ARAP2: variants seen among roughly 807,000 people sequenced by gnomAD.
The protein encoded by ARAP2 is arf-GAP with Rho-GAP domain, ANK repeat and PH domain-containing protein 2.
ARAP2 carries 148 observed loss-of-function variants against 194.5 expected under a neutral mutation model. The observed-to-expected ratio is 0.76, with a 90% CI of 0.67 to 0.87. The LOEUF (loss-of-function observed/expected upper bound fraction) is 0.87, where lower values mean the gene tolerates loss of function less well. Among genes scored for constraint, ARAP2 ranks in the 40% least tolerant of loss-of-function variants. The pLI, the probability that ARAP2 is intolerant of heterozygous loss-of-function variation, is 0.00. For synonymous variants in ARAP2, 695 were observed against 683.5 expected, an observed-to-expected ratio of 1.02 and a Z score of -0.26; for missense variants, 2,128 against 1,989.7, an observed-to-expected ratio of 1.07 and a Z score of -1.32.
chr4:36,178,736 G>T (rs1339299981), intron 8 of ARAP2, among the ~76,000 whole-genome samples: 1 of 152,084 alleles, frequency 6.6e-6, no homozygotes, highest in African/African-American at 2.4e-5. Flanking sequence ...TCATATAAAT[G>T]GTATGAAATA....
At chr4:36,022,397 A>G (rs942661213) in intron 5 of ARAP2, among the ~76,000 whole-genome samples, 7 of 152,210 alleles carry the variant, frequency 4.6e-5, no homozygotes, top group African/African-American at 1.7e-4. Flanking sequence ...CTTACCCAAC[A>G]TAACGGCAGG....
chr4:36,033,549 C>A (rs1004353439), intron 5 of ARAP2, among the ~76,000 whole-genome samples: 3 of 147,882 alleles, frequency 2.0e-5, no homozygotes, highest in African/African-American at 7.4e-5. Context: ...GTATATTAGA[C>A]CTTTATCAGA....
At chr4:36,190,639 A>G (rs571408159) in intron 7 of ARAP2, among the ~76,000 whole-genome samples, 1 of 152,210 alleles carries the variant, frequency 6.6e-6, no homozygotes, top group East Asian at 1.9e-4. Context: ...TTTCTTCTGA[A>G]TTTTCCTGCA....
At chr4:36,196,711 A>C (rs1012375520) in intron 6 of ARAP2, among the ~76,000 whole-genome samples, 1 of 151,872 alleles carries the variant, frequency 6.6e-6, no homozygotes, top group African/African-American at 2.4e-5. Context: ...GCTATTCTGC[A>C]CTCCTACCAT....
chr4:36,048,803 AATTAC>A (rs1396313058), intron 3 of ARAP2, among the ~76,000 whole-genome samples: 3 of 152,112 alleles, frequency 2.0e-5, no homozygotes, highest in Non-Finnish European at 4.4e-5. Flanking sequence ...AGGTTCAATT[AATTAC>A]ATTAATTGAA....
intron 32 of ARAP2, among the ~76,000 whole-genome samples, chr4:36,070,857 T>C (rs1236665669): frequency 6.6e-6 from 1 of 152,184 alleles, no homozygotes; most frequent in Non-Finnish European, 1.5e-5. Context: ...TTAAAGTAAA[T>C]TGTCTTTATC....
At chr4:36,206,983 C>G (rs755332745) in intron 6 of ARAP2, among the ~76,000 whole-genome samples, 1 of 152,186 alleles carries the variant, frequency 6.6e-6, no homozygotes, top group South Asian at 2.1e-4. Flanking sequence ...TTATGCTGAA[C>G]GCACAAACAT....
chr4:36,122,453 C>T (rs764744211), intron 22 of ARAP2, among the ~76,000 whole-genome samples: 29 of 151,854 alleles, frequency 1.9e-4, no homozygotes, highest in Admixed American at 4.6e-4. Context: ...AATGAGATCA[C>T]GTCCTTTGCA....
chr4:36,132,625 C>CTAACA (rs1451400780), intron 20 of ARAP2, among the ~76,000 whole-genome samples: 1 of 151,692 alleles, frequency 6.6e-6, no homozygotes, highest in Admixed American at 6.6e-5. Flanking sequence ...ATCTAAAATA[C>CTAACA]TAACATAGCA....
chr4:36,210,244 G>T, intron 6 of ARAP2, 146 bp downstream of exon 6: 1 of 664,510 alleles, frequency 1.5e-6, no homozygotes, highest in Non-Finnish European at 2.5e-6. Context: ...TGGCAAAAGT[G>T]TGCTGAAAGT....
intron 2 of ARAP2, among the ~76,000 whole-genome samples, chr4:36,226,706 A>C (rs1054583234): frequency 6.6e-6 from 1 of 152,170 alleles, no homozygotes; most frequent in Non-Finnish European, 1.5e-5. Flanking sequence ...TATCCATTTA[A>C]TTCTCAGGCC....
chr4:36,215,954 AT>A (rs1352546490), intron 2 of ARAP2, among the ~76,000 whole-genome samples: 1 of 152,048 alleles, frequency 6.6e-6, no homozygotes, highest in Non-Finnish European at 1.5e-5. Flanking sequence ...AATAAATGCT[AT>A]TTTTTTAAGC....
intron 3 of ARAP2, among the ~76,000 whole-genome samples, chr4:36,051,496 A>G (rs1173395616): frequency 6.6e-6 from 1 of 151,834 alleles, no homozygotes; most frequent in Non-Finnish European, 1.5e-5. Flanking sequence ...TAAATTAATA[A>G]ATAATAACAA....
intron 9 of ARAP2, among the ~76,000 whole-genome samples, chr4:36,174,307 A>G (rs1420674330): frequency 1.3e-5 from 2 of 152,240 alleles, no homozygotes; most frequent in East Asian, 3.8e-4. Flanking sequence ...AAGGAATGGG[A>G]GAAAATGTGC....
chr4:36,187,669 T>TA, intron 7 of ARAP2, 98 bp from the exon 8 acceptor site: 1 of 1,081,306 alleles, frequency 9.2e-7, no homozygotes, highest in Non-Finnish European at 1.3e-6. Flanking sequence ...CTTCTCTTTA[T>TA]AATTTCAATC....
At chr4:36,115,692 T>C (rs1721150784) in intron 25 of ARAP2, among the ~76,000 whole-genome samples, 1 of 152,014 alleles carries the variant, frequency 6.6e-6, no homozygotes, top group African/African-American at 2.4e-5. Flanking sequence ...TTTCCATTCT[T>C]ATAAACTCGG....
intron 21 of ARAP2, among the ~76,000 whole-genome samples, 162 bp from the exon 22 acceptor site, chr4:36,125,129 A>G (rs1353519236): frequency 1.3e-5 from 2 of 152,022 alleles, no homozygotes; most frequent in Admixed American, 6.6e-5. Context: ...GTAATTGCCT[A>G]TTAATCTGGA....
intron 14 of ARAP2, among the ~76,000 whole-genome samples, chr4:36,159,096 G>A (rs562400617): frequency 3.9e-5 from 6 of 152,192 alleles, no homozygotes; most frequent in African/African-American, 1.4e-4. Context: ...ATGATTATGT[G>A]GGATTAGCTA....
In ARAP2 at chr4:36,100,891, T is replaced by C. The variant is rs567553398; in HGVS notation, c.4285+6674A>G. 3.0e-4 allele frequency among the ~76,000 whole-genome samples: 45 copies of C among 152,124 alleles called. 2 individuals carry two copies. The South Asian group carries it at 8.9e-3, about 30-fold the overall frequency. On this transcript the variant is annotated intron_variant, in intron 27 of 32. Transcript: ENST00000303965. ...TCTATTTCTTAGGATAAGCCAAGTA[T>C]GCCCCCTTCACTCCAATCTATTCTC...
Sources: gnomAD v4.1 joint callset for allele counts (sites outside exome capture counted in the v4.1 genomes callset) on GRCh38, gnomAD v4.1.1 for gene constraint, MANE v1.5 for transcripts, NCBI Gene and HGNC (gene_info 2026-07-23, HGNC 2026-07-21) for gene names.